ANKRD17: variants seen among roughly 807,000 people sequenced by gnomAD.
ANKRD17 encodes the protein ankyrin repeat domain 17.
A neutral mutation model predicts 229.7 loss-of-function variants in ANKRD17; 19 were observed. The observed-to-expected ratio is 0.08, with a 90% CI of 0.06 to 0.12. The LOEUF (loss-of-function observed/expected upper bound fraction) is 0.12, where lower values mean the gene tolerates loss of function less well. Ranked by LOEUF, ANKRD17 falls within the 10% of genes least tolerant of loss-of-function variation. The pLI, the probability that ANKRD17 is intolerant of heterozygous loss-of-function variation, is 1.00. For synonymous variants in ANKRD17, 1,112 were observed against 1,146.1 expected, an observed-to-expected ratio of 0.97 and a Z score of 0.60; for missense variants, 2,176 against 3,176.8, an observed-to-expected ratio of 0.68 and a Z score of 7.57.
chr4:73,154,109 A>G lies in ANKRD17; in HGVS notation c.1005T>C (p.Asn335=), dbSNP rs778148049. Residue 335 remains asparagine, a synonymous_variant, in exon 6 of 34, where the codon AAT becomes AAC. Transcript: ENST00000358602. The part of the protein sequence containing the change: ...ADVNAQSSTG[N]TALTYACAGG... ...CAGCACAAGCATATGTAAGTGCTGT[A>G]TTGCCTATTTTAATTAGGAAAAATA... 2 of 1,556,176 alleles carry G rather than the reference A, an allele frequency of 1.3e-6. No homozygotes were observed. The highest frequency in any genetic ancestry group is 8.7e-7 in the Non-Finnish European group (1 of 1,155,814).
At chr4:73,116,786 ATATATACATATATAGACAATATG>A (rs1172065209) in intron 22 of ANKRD17, among the ~76,000 whole-genome samples, 11 of 151,884 alleles carry the variant, frequency 7.2e-5, no homozygotes, top group African/African-American at 2.2e-4. Flanking sequence ...AGTATATGTT[ATATATACATATATAGACAATATG>A]TATATACATA....
intron 2 of ANKRD17, among the ~76,000 whole-genome samples, chr4:73,171,755 TG>T (rs2148966656): frequency 6.6e-6 from 1 of 152,170 alleles, no homozygotes; most frequent in African/African-American, 2.4e-5. Context: ...ATATTGGAGC[TG>T]AAAAATGCAA....
At position 73,144,839 on chromosome 4, in the gene ANKRD17, A is replaced by T. The variant is rs771041679; in HGVS notation, c.1870-7T>A. On this transcript the variant is annotated splice_polypyrimidine_tract_variant and splice_region_variant and intron_variant, in intron 10 of 33. Coordinates refer to ENST00000358602, the MANE Select transcript of ANKRD17 (RefSeq NM_032217.5). ...CACCTTCAGATTCATGTTCCTGTTT[A>T]AAAAAAAAAAAAAAGACTTGACATT... 1.3e-4 allele frequency: 39 copies of T among 292,460 alleles called. No homozygotes were observed. Among genetic ancestry groups the T allele is most frequent in the South Asian group, 3.2e-4 (3 of 9,430 alleles). 18.1% of individuals were successfully genotyped at this position (292,460 alleles called of 1,614,324 possible).
intron 14 of ANKRD17, among the ~76,000 whole-genome samples, chr4:73,141,034 A>AG (rs1414018524): frequency 6.6e-6 from 1 of 152,222 alleles, no homozygotes; most frequent in Non-Finnish European, 1.5e-5. Flanking sequence ...CCAAGGCTCT[A>AG]GGTTGATAGT....
chr4:73,168,652 A>G (rs188194522), intron 2 of ANKRD17, among the ~76,000 whole-genome samples: 136 of 152,318 alleles, frequency 8.9e-4, no homozygotes, highest in African/African-American at 3.1e-3. Context: ...CGGAATTAGC[A>G]AATACTACAC....
chr4:73,147,497 G>T (rs2148847972), intron 8 of ANKRD17, 65 bp from the exon 9 acceptor site: 2 of 1,263,320 alleles, frequency 1.6e-6, no homozygotes, highest in Non-Finnish European at 2.1e-6. Flanking sequence ...TGAAAAACAT[G>T]ATTGTTTCTT....
intron 1 of ANKRD17, among the ~76,000 whole-genome samples, chr4:73,192,513 T>C (rs554892948): frequency 1.8e-4 from 27 of 152,016 alleles, no homozygotes; most frequent in African/African-American, 6.5e-4. Flanking sequence ...AAAGAGAGAA[T>C]TGTACCTTTT....
At chr4:73,157,933 CA>C (rs1226879393) in intron 3 of ANKRD17, among the ~76,000 whole-genome samples, 3 of 150,572 alleles carry the variant, frequency 2.0e-5, no homozygotes, top group Non-Finnish European at 4.4e-5. Context: ...ACTAAAAATA[CA>C]AAAAAAAATT....
In ANKRD17 at chr4:73,124,985, T is replaced by C. The variant is rs778856062; in HGVS notation, c.3420A>G (p.Ala1140=). Residue 1140 remains alanine, a synonymous_variant, in exon 18 of 34, where the codon GCA becomes GCG. Transcript: ENST00000358602. Reference sequence around the variant, plus strand: ...TTCTTTCAGACTGGGCTTCAATGTCTGCACCATTGTCCAGCAATATTTCCA... The same window carrying C: ...TTCTTTCAGACTGGGCTTCAATGTCCGCACCATTGTCCAGCAATATTTCCA... The part of the protein sequence containing the change: ...GVVEILLDNG[A]DIEAQSERTK... The C allele has an allele frequency of 2.5e-6, 4 of 1,614,186 alleles. No individual in the cohort carries two copies. In the South Asian group the frequency reaches 3.3e-5, roughly 13 times the overall value.
chr4:73,203,770 A>AAT (rs1476041294), intron 1 of ANKRD17, among the ~76,000 whole-genome samples: 1 of 151,136 alleles, frequency 6.6e-6, no homozygotes, highest in Non-Finnish European at 1.5e-5. Flanking sequence ...AAAAAAAAAA[A>AAT]AAAAAAAAAG....
chr4:73,198,916 CGTAAAACTT>C (rs1259213639), intron 1 of ANKRD17, among the ~76,000 whole-genome samples: 11 of 152,042 alleles, frequency 7.2e-5, no homozygotes, highest in African/African-American at 2.7e-4. Flanking sequence ...AGGAAGGTGA[CGTAAAACTT>C]GTAACACATA....
intron 1 of ANKRD17, among the ~76,000 whole-genome samples, chr4:73,191,982 C>T (rs917048822): frequency 1.3e-5 from 2 of 151,976 alleles, no homozygotes; most frequent in African/African-American, 4.8e-5. Flanking sequence ...TCCATCAATA[C>T]TATGGTTAAA....
chr4:73,096,365 A>T lies in ANKRD17; in HGVS notation c.5177+752T>A, dbSNP rs372533752. Reference sequence around the variant, plus strand: ...GTGTGTATGTGAAGGAGTGAAAGAAAGAATGTGTGTATAGTGTGTGAAAAT... The same window carrying T: ...GTGTGTATGTGAAGGAGTGAAAGAATGAATGTGTGTATAGTGTGTGAAAAT... On this transcript the variant is annotated intron_variant, in intron 27 of 33. Transcript: ENST00000358602. Among the ~76,000 whole-genome samples the T allele has an allele frequency of 3.3e-4, 51 of 152,336 alleles. No homozygotes were observed. In the East Asian group the frequency reaches 7.7e-3, roughly 23 times the overall value.
rs749626667 is a variant in ANKRD17, at chr4:73,177,522, G to A, written c.405C>T (p.Phe135=). The A allele has an allele frequency of 1.2e-6, 2 of 1,611,396 alleles. No individual in the cohort carries two copies. The highest frequency in any genetic ancestry group is 1.1e-5 in the South Asian group (1 of 90,812). Residue 135 remains phenylalanine, a synonymous_variant, in exon 2 of 34, where the codon TTC becomes TTT. Coordinates refer to ENST00000358602, the MANE Select transcript of ANKRD17 (RefSeq NM_032217.5). The part of the protein sequence containing the change: ...EEEEVSEVES[F]ILDQDDLENP... ...TTTCCAAATCATCCTGATCCAAAAT[G>A]AAAGACTCCACCTATAAAACAAATG...
chr4:73,137,795 A>G (rs535796957), intron 15 of ANKRD17, among the ~76,000 whole-genome samples: 8 of 152,264 alleles, frequency 5.3e-5, no homozygotes, highest in African/African-American at 1.9e-4. Flanking sequence ...TGCACTTAAA[A>G]TTTTTTTATA....
At chr4:73,113,247 A>G (rs1361652384) in intron 24 of ANKRD17, 1 of 1,289,280 alleles carries the variant, frequency 7.8e-7, no homozygotes, top group African/African-American at 1.5e-5. Flanking sequence ...GACTGTCCAA[A>G]CTATATGCTG....
Position 73,156,182 on chromosome 4 carries a change from T to C in ANKRD17, c.705-16A>G. 1 of 1,579,128 alleles carries C rather than the reference T, an allele frequency of 6.3e-7. No homozygotes were observed. Among genetic ancestry groups the C allele is most frequent in the Non-Finnish European group, 8.5e-7 (1 of 1,169,658 alleles). On this transcript the variant is annotated splice_polypyrimidine_tract_variant and intron_variant, in intron 3 of 33. Coordinates refer to ENST00000358602, the MANE Select transcript of ANKRD17 (RefSeq NM_032217.5). ...CAAACTGCGGCTATTACGGAAAGAA[T>C]ATCACAATACCAGAATATAAGAATA...
Position 73,185,187 on chromosome 4 carries a change from TAATAAATAAAAAATATTTAAAA to T in ANKRD17, c.394-7676_394-7655del, listed in dbSNP as rs1736129339. On this transcript the variant is annotated intron_variant, in intron 1 of 33. Transcript: ENST00000358602. ...CTGATGTTTTCCGAAGAAAAAATAA[TAATAAATAAAAAATATTTAAAA>T]AATAAATAAAAAATATTTATTATTG... is the stretch of plus-strand genomic sequence containing the variant. 2.6e-5 allele frequency among the ~76,000 whole-genome samples: 4 copies of T among 151,734 alleles called. No individual in the cohort carries two copies. In the South Asian group the frequency reaches 6.2e-4, roughly 24 times the overall value.
intron 30 of ANKRD17, among the ~76,000 whole-genome samples, chr4:73,081,182 T>C (rs1721522411): frequency 6.6e-6 from 1 of 152,228 alleles, no homozygotes; most frequent in Admixed American, 6.5e-5. Context: ...GCTGAGCCAA[T>C]CACATTCCTC....
Sources: allele counts gnomAD v4.1 joint callset (sites outside exome capture counted in the v4.1 genomes callset), GRCh38; gene constraint gnomAD v4.1.1; transcripts MANE v1.5; gene names NCBI Gene and HGNC (gene_info 2026-07-23, HGNC 2026-07-21).